P4HA1: variants seen among roughly 807,000 people sequenced by gnomAD.
P4HA1 encodes the protein prolyl 4-hydroxylase subunit alpha-1.
Under a neutral mutation model 72.8 loss-of-function variants are expected in P4HA1, and 24 were observed. That is an observed-to-expected ratio of 0.33 (90% CI 0.24 to 0.46). The LOEUF is 0.46. Among genes scored for constraint, P4HA1 ranks in the 20% least tolerant of loss-of-function variants. The pLI is 1.00. For missense variants in P4HA1, 446 were observed against 640.6 expected, an observed-to-expected ratio of 0.70 and a Z score of 3.28; for synonymous variants, 201 against 218.8, an observed-to-expected ratio of 0.92 and a Z score of 0.72.
At chr10:73,058,090 GAAAAAAAAAAAAAAAAAA>G (rs869244017) in intron 5 of P4HA1, among the ~76,000 whole-genome samples, 1 of 23,060 alleles carries the variant, frequency 4.3e-5, no homozygotes, top group Non-Finnish European at 1.0e-4. Context: ...ACTCCGTCCA[GAAAAAAAAAAAAAAAAAA>G]AAAAAAAAAA....
At chr10:73,088,797 A>C (rs569356544) in intron 1 of P4HA1, among the ~76,000 whole-genome samples, 1 of 152,354 alleles carries the variant, frequency 6.6e-6, no homozygotes, top group African/African-American at 2.4e-5. Flanking sequence ...CTTTTTCAAA[A>C]TGAATTGACA....
At chr10:73,050,165 CAAAA>C (rs549704773) in intron 7 of P4HA1, among the ~76,000 whole-genome samples, 2 of 83,018 alleles carry the variant, frequency 2.4e-5, no homozygotes, top group Non-Finnish European at 2.7e-5. Context: ...GTTTCTGTCT[CAAAA>C]AAAAAAAAAA....
chr10:73,017,850 A>ATAC (rs1370628952), intron 10 of P4HA1, among the ~76,000 whole-genome samples: 1 of 152,142 alleles, frequency 6.6e-6, no homozygotes, highest in African/African-American at 2.4e-5. Context: ...GAAGAGAATG[A>ATAC]TACTTAACTC....
intron 5 of P4HA1, among the ~76,000 whole-genome samples, chr10:73,061,960 AG>A (rs1389514120): frequency 6.6e-6 from 1 of 152,188 alleles, no homozygotes; most frequent in Non-Finnish European, 1.5e-5. Flanking sequence ...TCAAGGCTGC[AG>A]TGAGCTATGA....
At chr10:73,068,436 T>C (rs2133125095) in intron 5 of P4HA1, among the ~76,000 whole-genome samples, 1 of 152,338 alleles carries the variant, frequency 6.6e-6, no homozygotes, top group African/African-American at 2.4e-5. Flanking sequence ...TGGAACACTT[T>C]AAACATATGT....
intron 9 of P4HA1, among the ~76,000 whole-genome samples, chr10:73,041,194 T>C (rs1207861760): frequency 1.3e-5 from 2 of 152,146 alleles, no homozygotes; most frequent in South Asian, 4.1e-4. Flanking sequence ...CTGTAGCATT[T>C]GAGCAGAAGC....
At chr10:73,015,540 A>G (rs1388718499) in intron 11 of P4HA1, among the ~76,000 whole-genome samples, 3 of 152,196 alleles carry the variant, frequency 2.0e-5, no homozygotes, top group Non-Finnish European at 4.4e-5. Context: ...ATGGAAACAG[A>G]CAGTTCCCCA....
At chr10:73,068,670 C>T (rs989262895) in intron 5 of P4HA1, among the ~76,000 whole-genome samples, 176 bp downstream of exon 5, 4 of 152,088 alleles carry the variant, frequency 2.6e-5, no homozygotes, top group Non-Finnish European at 4.4e-5. Context: ...GAAGCATACC[C>T]GTAACTATTA....
At chr10:73,054,700 A>G (rs570456930) in intron 5 of P4HA1, among the ~76,000 whole-genome samples, 1 of 152,270 alleles carries the variant, frequency 6.6e-6, no homozygotes, top group Admixed American at 6.5e-5. Flanking sequence ...TGGCTACATC[A>G]TTTTACATTC....
intron 5 of P4HA1, among the ~76,000 whole-genome samples, chr10:73,062,590 C>T (rs970038434): frequency 2.6e-5 from 4 of 151,984 alleles, no homozygotes; most frequent in African/African-American, 9.7e-5. Flanking sequence ...ATTAAGTGTC[C>T]GATAACATCA....
At chr10:73,072,647 T>C (rs544938155) in intron 3 of P4HA1, among the ~76,000 whole-genome samples, 2 of 152,288 alleles carry the variant, frequency 1.3e-5, no homozygotes, top group African/African-American at 2.4e-5. Context: ...ACTCATTAAA[T>C]AAAAGACAGG....
intron 8 of P4HA1, 106 bp from the exon 9 acceptor site, chr10:73,045,157 G>A: frequency 1.2e-6 from 1 of 838,150 alleles, no homozygotes; most frequent in Non-Finnish European, 1.9e-6. Context: ...GCTAAAAAGA[G>A]AAAATAACTC....
At chr10:73,028,229 TA>T (rs1840336772) in intron 10 of P4HA1, among the ~76,000 whole-genome samples, 1 of 135,854 alleles carries the variant, frequency 7.4e-6, no homozygotes, top group African/African-American at 3.1e-5. Flanking sequence ...AATTTTGAGA[TA>T]GGAAAAAAAA....
At chr10:73,057,609 T>G (rs899498502) in intron 5 of P4HA1, among the ~76,000 whole-genome samples, 2 of 152,060 alleles carry the variant, frequency 1.3e-5, no homozygotes, top group African/African-American at 4.8e-5. Flanking sequence ...TTTAAAGAGA[T>G]AATGGTAGAA....
At chr10:73,012,976 A>T (rs1174478823) in intron 12 of P4HA1, among the ~76,000 whole-genome samples, 1 of 152,024 alleles carries the variant, frequency 6.6e-6, no homozygotes, top group Non-Finnish European at 1.5e-5. Context: ...TTGTATTTAT[A>T]GTGGAGAAGG....
At chr10:73,039,273 G>A (rs1327048130) in intron 9 of P4HA1, among the ~76,000 whole-genome samples, 3 of 150,502 alleles carry the variant, frequency 2.0e-5, no homozygotes, top group Non-Finnish European at 4.4e-5. Flanking sequence ...GACAGAGCAA[G>A]ACCCTGCCTC....
At chr10:73,066,581 G>A (rs1013962194) in intron 5 of P4HA1, among the ~76,000 whole-genome samples, 1 of 152,086 alleles carries the variant, frequency 6.6e-6, no homozygotes, top group African/African-American at 2.4e-5. Flanking sequence ...GTAGTGGCGT[G>A]ATCACAGCTC....
intron 1 of P4HA1, among the ~76,000 whole-genome samples, chr10:73,094,677 G>C (rs1842122515): frequency 6.6e-6 from 1 of 152,162 alleles, no homozygotes; most frequent in Non-Finnish European, 1.5e-5. Flanking sequence ...AATGCCGTTT[G>C]AACTTAATTG....
intron 9 of P4HA1, among the ~76,000 whole-genome samples, chr10:73,044,341 A>G (rs535062272): frequency 5.3e-5 from 8 of 152,338 alleles, no homozygotes; most frequent in African/African-American, 1.9e-4. Flanking sequence ...TCTCACTGAG[A>G]TAAAACTGTT....
Sources: gnomAD v4.1 joint callset for allele counts (sites outside exome capture counted in the v4.1 genomes callset) on GRCh38, gnomAD v4.1.1 for gene constraint, MANE v1.5 for transcripts, NCBI Gene and HGNC (gene_info 2026-07-23, HGNC 2026-07-21) for gene names.